Variants in INTS10 observed in about 807,000 individuals in gnomAD.
INTS10 encodes the protein chromosome 8 open reading frame 35.
In INTS10, 44 loss-of-function variants were observed where a neutral mutation model predicts 94.4. The observed-to-expected ratio is 0.47, with a 90% confidence interval of 0.37 to 0.60. The LOEUF is 0.60. INTS10 is among the 20% of genes least tolerant of loss of function. The probability of loss-of-function intolerance (pLI) is 0.00; values close to 1 mark genes in which losing one functional copy is unlikely to be tolerated. For missense variants in INTS10, 797 were observed against 868.7 expected, an observed-to-expected ratio of 0.92 and a Z score of 1.04; for synonymous variants, 341 against 320.7, an observed-to-expected ratio of 1.06 and a Z score of -0.68.
At chr8:19,833,631 G>T (rs1317795865) in intron 12 of INTS10, among the ~76,000 whole-genome samples, 2 of 151,518 alleles carry the variant, frequency 1.3e-5, no homozygotes, top group East Asian at 3.9e-4. Context: ...CTCTTCTGTT[G>T]TACTTGGAAA....
intron 8 of INTS10, among the ~76,000 whole-genome samples, chr8:19,825,440 C>T (rs935311012): frequency 6.6e-6 from 1 of 151,572 alleles, no homozygotes; most frequent in African/African-American, 2.4e-5. Flanking sequence ...GCAGGAGAAT[C>T]GCCTGAACCC....
chr8:19,850,930 C>T (rs994332091), intron 16 of INTS10, among the ~76,000 whole-genome samples: 1 of 152,178 alleles, frequency 6.6e-6, no homozygotes, highest in South Asian at 2.1e-4. Context: ...CAGGTCTCCC[C>T]TGAGTGCCCA....
At position 19,828,085 on chromosome 8, in the gene INTS10, C is replaced by G. The variant is rs528420596; in HGVS notation, c.1140+1526C>G. The stretch of plus-strand genomic sequence containing the variant: ...AAAACTAGCTGGCTGGTGGCATGCA[C>G]CTATCATCCCAACTGCTTCAGAGGC... On this transcript the variant is annotated intron_variant, in intron 9 of 16. Coordinates refer to ENST00000397977, the MANE Select transcript of INTS10 (RefSeq NM_018142.4). Among the ~76,000 whole-genome samples, 36 of 151,936 alleles carry G rather than the reference C, an allele frequency of 2.4e-4. No homozygotes were observed. The South Asian group carries it at 6.0e-3, about 25-fold the overall frequency.
chr8:19,829,329 CAAAAT>C (rs1184308541), intron 9 of INTS10, among the ~76,000 whole-genome samples: 1 of 150,266 alleles, frequency 6.7e-6, no homozygotes, highest in Non-Finnish European at 1.5e-5. Flanking sequence ...AAATTCTTAG[CAAAAT>C]AAAATTCAGT....
intron 2 of INTS10, chr8:19,818,779 A>G (rs1166262743): frequency 6.0e-6 from 1 of 167,770 alleles, no homozygotes; most frequent in Non-Finnish European, 1.3e-5. Flanking sequence ...GCCCTGCAGC[A>G]TGTTTCCTTT....
At position 19,819,507 on chromosome 8, in the gene INTS10, CG is replaced by C. The variant is rs1385886694; in HGVS notation, c.198-65del. On this transcript the variant is annotated intron_variant, in intron 2 of 16. Transcript: ENST00000397977. The stretch of plus-strand genomic sequence containing the variant: ...AGGAAACTTTTTCACCAAATGCTAA[CG>C]TTTTTTCTTTTGGATACTGTATAGA... 5.7e-6 allele frequency: 7 copies of C among 1,237,556 alleles called. No homozygotes were observed. The African/African-American group carries it at 6.1e-5, about 11-fold the overall frequency. 76.7% of individuals were successfully genotyped at this position (1,237,556 alleles called of 1,614,324 possible).
At chr8:19,820,337 T>G (rs774215085) in intron 3 of INTS10, 42 bp from the exon 4 acceptor site, 1 of 1,580,212 alleles carries the variant, frequency 6.3e-7, no homozygotes, top group East Asian at 2.3e-5. Flanking sequence ...CAGTCTTTTC[T>G]GTCCGCAAGA....
intron 3 of INTS10, 126 bp from the exon 4 acceptor site, chr8:19,820,253 A>C: frequency 1.2e-6 from 1 of 851,452 alleles, no homozygotes; most frequent in Non-Finnish European, 1.7e-6. Flanking sequence ...TGTAGGTGAA[A>C]CTTAACTGCA....
At chr8:19,837,991 A>G (rs1388788235) in intron 13 of INTS10, among the ~76,000 whole-genome samples, 1 of 152,366 alleles carries the variant, frequency 6.6e-6, no homozygotes, top group East Asian at 1.9e-4. Flanking sequence ...CAATAAATTT[A>G]ACAACTTAGA....
chr8:19,821,791 T>C (rs1424790751), intron 4 of INTS10: 1 of 152,342 alleles, frequency 6.6e-6, no homozygotes, highest in Non-Finnish European at 1.5e-5. Flanking sequence ...GCACACTTTC[T>C]GGTCATAACT....
chr8:19,818,680 T>A (rs1379504153), intron 2 of INTS10: 1 of 326,400 alleles, frequency 3.1e-6, no homozygotes, highest in Non-Finnish European at 5.9e-6. Context: ...TTAAGTTTTG[T>A]AGGCAGTATA....
intron 12 of INTS10, among the ~76,000 whole-genome samples, chr8:19,836,202 C>T (rs2067649159): frequency 7.0e-6 from 1 of 142,624 alleles, no homozygotes; most frequent in African/African-American, 2.7e-5. Flanking sequence ...CCAGAGATGT[C>T]TCTGGCCTTT....
chr8:19,847,406 A>T (rs1716339264), intron 16 of INTS10, among the ~76,000 whole-genome samples: 1 of 152,204 alleles, frequency 6.6e-6, no homozygotes, highest in African/African-American at 2.4e-5. Context: ...TTTGGGGATA[A>T]AGATTACCTT....
In INTS10 at chr8:19,841,285, A is replaced by C. The variant is rs140057971; in HGVS notation, c.1640-1563A>C. 8.3e-3 allele frequency among the ~76,000 whole-genome samples: 1,258 copies of C among 152,330 alleles called. 19 individuals carry two copies. Among genetic ancestry groups the C allele is most frequent in the African/African-American group, 0.028 (1,168 of 41,584 alleles). On this transcript the variant is annotated intron_variant, in intron 13 of 16. Coordinates refer to ENST00000397977, the MANE Select transcript of INTS10 (RefSeq NM_018142.4). ...AAAACTCCAAAACTTCCAAACTTTT[A>C]GAAGAAAATTTAAAAATAGAAAGAT...
chr8:19,830,453 T>C lies in INTS10; in HGVS notation c.1188T>C (p.Ile396=). 6.2e-7 allele frequency: 1 copy of C among 1,614,092 alleles called. No homozygotes were observed. The highest frequency in any genetic ancestry group is 1.3e-5 in the African/African-American group (1 of 75,054). ...CGGCGAAAGGAAGAAATCGTCACAT[T>C]GTAGTCAATAAAGCCGAACTTGCTA... ...DCSAKGRNRH[I]VVNKAELANS... The change falls in exon 10 of 17, where the codon ATT becomes ATC. Residue 396 remains isoleucine (I), a synonymous_variant. Transcript: ENST00000397977.
chr8:19,817,733 C>T, intron 1 of INTS10, 67 bp downstream of exon 1: 1 of 1,543,816 alleles, frequency 6.5e-7, no homozygotes, highest in Non-Finnish European at 8.7e-7. Flanking sequence ...CCGGGCTGCC[C>T]TGGCCCAGAG....
intron 13 of INTS10, 198 bp downstream of exon 13, chr8:19,837,358 T>C: frequency 1.8e-6 from 1 of 554,466 alleles, no homozygotes; most frequent in South Asian, 2.3e-5. Flanking sequence ...AAAATAGTTT[T>C]AGGACCCAAG....
At chr8:19,828,855 C>A (rs1171799769) in intron 9 of INTS10, among the ~76,000 whole-genome samples, 1 of 151,976 alleles carries the variant, frequency 6.6e-6, no homozygotes, top group African/African-American at 2.4e-5. Flanking sequence ...CTACACCTGG[C>A]CTGGTAGACA....
At chr8:19,835,052 T>G (rs893342771) in intron 12 of INTS10, among the ~76,000 whole-genome samples, 1 of 151,990 alleles carries the variant, frequency 6.6e-6, no homozygotes, top group Non-Finnish European at 1.5e-5. Flanking sequence ...CATACAAATT[T>G]TGGTGGGAAT....
Sources: allele counts gnomAD v4.1 joint callset (sites outside exome capture counted in the v4.1 genomes callset), GRCh38; gene constraint gnomAD v4.1.1; transcripts MANE v1.5; gene names NCBI Gene and HGNC (gene_info 2026-07-23, HGNC 2026-07-21).